Variants in PEBP4 observed in about 807,000 individuals in gnomAD.
The protein encoded by PEBP4 is phosphatidylethanolamine-binding protein 4.
A neutral mutation model predicts 23.9 loss-of-function variants in PEBP4; 22 were observed. The observed-to-expected ratio is 0.92, with a 90% confidence interval of 0.66 to 1.31. The LOEUF (loss-of-function observed/expected upper bound fraction) is 1.31, where lower values mean the gene tolerates loss of function less well. PEBP4 is among the 40% of genes most tolerant of loss of function. The pLI is 0.00. For synonymous variants in PEBP4, 112 were observed against 99.3 expected, an observed-to-expected ratio of 1.13 and a Z score of -0.76; for missense variants, 324 against 281.7, an observed-to-expected ratio of 1.15 and a Z score of -1.07.
chr8:22,721,557 C>A, intron 6 of PEBP4, among the ~76,000 whole-genome samples: 1 of 152,134 alleles, frequency 6.6e-6, no homozygotes, highest in East Asian at 1.9e-4. Context: ...AGGGAAGAGG[C>A]CTGAACAGGA....
chr8:22,931,441 T>G (rs1258643432), upstream of PEBP4, among the ~76,000 whole-genome samples: 1 of 152,156 alleles, frequency 6.6e-6, no homozygotes, highest in African/African-American at 2.4e-5. Context: ...TCCGTCTCTA[T>G]GAATTTGCCT....
intron 3 of PEBP4, among the ~76,000 whole-genome samples, chr8:22,868,693 A>G (rs546463796): frequency 2.0e-5 from 3 of 152,088 alleles, no homozygotes; most frequent in Non-Finnish European, 4.4e-5. Context: ...AAATTTTTGC[A>G]TCATCTAGGA....
At chr8:22,889,868 G>A (rs182510894) in intron 3 of PEBP4, among the ~76,000 whole-genome samples, 2 of 152,140 alleles carry the variant, frequency 1.3e-5, no homozygotes, top group African/African-American at 4.8e-5. Flanking sequence ...GCTCGGTGGC[G>A]ATCTATCATT....
At chr8:22,856,011 C>G (rs1308817503) in intron 3 of PEBP4, among the ~76,000 whole-genome samples, 1 of 137,564 alleles carries the variant, frequency 7.3e-6, no homozygotes, top group Non-Finnish European at 1.5e-5. Context: ...ATTTGCATCA[C>G]TGCACTCCAG....
rs755981471 is a variant in PEBP4, at chr8:22,927,610, G to A, written c.105C>T (p.Leu35=). ...DENSPCAHEA[L]LDEDTLFCQG... ...GGCAAAAGAGGGTGTCCTCGTCCAA[G>A]AGGGCCTCATGGGCACACGGGCTGT... The change falls in exon 2 of 7, where the codon CTC becomes CTT. Residue 35 remains leucine (L), a synonymous_variant. Transcript: ENST00000256404. The A allele has an allele frequency of 2.5e-6, 4 of 1,612,428 alleles. No homozygotes were observed. The highest frequency in any genetic ancestry group is 3.4e-6 in the Non-Finnish European group (4 of 1,179,292).
chr8:22,846,950 C>A (rs936574361), intron 3 of PEBP4, among the ~76,000 whole-genome samples: 1 of 152,082 alleles, frequency 6.6e-6, no homozygotes, highest in African/African-American at 2.4e-5. Flanking sequence ...TCACTTGAGC[C>A]CAAGAGTTTG....
intron 4 of PEBP4, among the ~76,000 whole-genome samples, chr8:22,772,477 T>TTCTCTC (rs1318831599): frequency 3.4e-5 from 5 of 145,168 alleles, no homozygotes; most frequent in Admixed American, 7.0e-5. Flanking sequence ...AGGGCAGGTA[T>TTCTCTC]TCTCTCTCTC....
intron 2 of PEBP4, among the ~76,000 whole-genome samples, chr8:22,922,970 T>C (rs1315884144): frequency 6.6e-6 from 1 of 152,172 alleles, no homozygotes; most frequent in Non-Finnish European, 1.5e-5. Flanking sequence ...GGCATGACTT[T>C]TACTGGGCCA....
intron 6 of PEBP4, among the ~76,000 whole-genome samples, chr8:22,720,113 G>A (rs751713872): frequency 1.3e-5 from 2 of 152,226 alleles, no homozygotes; most frequent in Non-Finnish European, 2.9e-5. Context: ...GAAGGCAGAG[G>A]TGAGCGCTTC....
chr8:22,892,068 G>A (rs1246543958), intron 3 of PEBP4, among the ~76,000 whole-genome samples: 29 of 149,902 alleles, frequency 1.9e-4, no homozygotes, highest in South Asian at 6.3e-4. Flanking sequence ...GCAAGACTCC[G>A]TCTCAGAAAA....
intron 2 of PEBP4, among the ~76,000 whole-genome samples, chr8:22,921,617 G>A (rs1208610491): frequency 1.3e-5 from 2 of 152,220 alleles, no homozygotes; most frequent in Non-Finnish European, 2.9e-5. Context: ...ACACTTCGGT[G>A]GGCCAGCGCC....
chr8:22,888,326 G>C (rs1585326267), intron 3 of PEBP4, among the ~76,000 whole-genome samples: 1 of 152,010 alleles, frequency 6.6e-6, no homozygotes, highest in Admixed American at 6.6e-5. Flanking sequence ...GCTGATTTTT[G>C]TATTTTTAGT....
At chr8:22,794,374 C>T (rs1263167057) in intron 4 of PEBP4, among the ~76,000 whole-genome samples, 2 of 152,102 alleles carry the variant, frequency 1.3e-5, no homozygotes, top group Admixed American at 1.3e-4. Context: ...TCACTGCAAC[C>T]TCTGCCTCCC....
At chr8:22,757,836 C>T (rs1324466734) in intron 4 of PEBP4, 2 of 152,224 alleles carry the variant, frequency 1.3e-5, no homozygotes, top group Non-Finnish European at 2.9e-5. Context: ...GAGGAGTGGT[C>T]ACCGCAGTGG....
At chr8:22,743,858 T>C (rs1249416624) in intron 4 of PEBP4, among the ~76,000 whole-genome samples, 2 of 152,134 alleles carry the variant, frequency 1.3e-5, no homozygotes, top group African/African-American at 4.8e-5. Context: ...AGAACTAGAC[T>C]CCGTGGAGGG....
chr8:22,806,251 G>T (rs1806492529), intron 4 of PEBP4, among the ~76,000 whole-genome samples: 2 of 152,078 alleles, frequency 1.3e-5, no homozygotes, highest in South Asian at 4.1e-4. Flanking sequence ...TAACTGTTTT[G>T]TGTTACCCAT....
chr8:22,757,730 G>A (rs1363766378), intron 4 of PEBP4: 1 of 152,274 alleles, frequency 6.6e-6, no homozygotes, highest in Non-Finnish European at 1.5e-5. Flanking sequence ...GGGACTCAGT[G>A]GCTGAAACAG....
chr8:22,720,848 G>C (rs1804502696), intron 6 of PEBP4, among the ~76,000 whole-genome samples: 1 of 152,184 alleles, frequency 6.6e-6, no homozygotes, highest in African/African-American at 2.4e-5. Context: ...ACACATGCAT[G>C]AGAGCAGGGA....
chr8:22,837,428 T>G (rs1320196296), intron 3 of PEBP4, among the ~76,000 whole-genome samples: 1 of 152,186 alleles, frequency 6.6e-6, no homozygotes, highest in East Asian at 1.9e-4. Flanking sequence ...GCTGCAGCAT[T>G]GGAAAGACGT....
Sources: allele counts gnomAD v4.1 joint callset (sites outside exome capture counted in the v4.1 genomes callset), GRCh38; gene constraint gnomAD v4.1.1; transcripts MANE v1.5; gene names NCBI Gene and HGNC (gene_info 2026-07-23, HGNC 2026-07-21).